Variants in TRIM54 observed in about 807,000 individuals in gnomAD.
The protein encoded by TRIM54 is tripartite motif containing 54.
TRIM54 carries 40 observed loss-of-function variants against 42.0 expected under a neutral mutation model. The observed-to-expected ratio is 0.95, with a 90% CI of 0.74 to 1.24. The LOEUF (loss-of-function observed/expected upper bound fraction) is 1.24, where lower values mean the gene tolerates loss of function less well. Ranked by LOEUF, TRIM54 falls within the 50% of genes most tolerant of loss-of-function variation. The pLI, the probability that TRIM54 is intolerant of heterozygous loss-of-function variation, is 0.00. For synonymous variants in TRIM54, 199 were observed against 194.9 expected (o/e 1.02, Z -0.17); for missense variants, 485 against 480.3 (o/e 1.01, Z -0.09).
intron 1 of TRIM54, among the ~76,000 whole-genome samples, chr2:27,283,961 C>T (rs904785637): frequency 1.3e-5 from 2 of 152,224 alleles, no homozygotes; most frequent in East Asian, 3.9e-4. Flanking sequence ...GGTAAAACCC[C>T]ATCTCTACCA....
chr2:27,288,160 C>G (rs1678629532), intron 1 of TRIM54, among the ~76,000 whole-genome samples: 1 of 152,224 alleles, frequency 6.6e-6, no homozygotes, highest in African/African-American at 2.4e-5. Context: ...CCACCGTTTT[C>G]CCAAGGTTTT....
At chr2:27,302,341 C>T (rs1332156232) in intron 3 of TRIM54, among the ~76,000 whole-genome samples, 2 of 151,812 alleles carry the variant, frequency 1.3e-5, no homozygotes, top group Admixed American at 6.6e-5. Flanking sequence ...GTCCCAGCTA[C>T]TCGGGAGGCT....
chr2:27,306,744 C>T lies in TRIM54; in HGVS notation c.*2-143C>T. Reference sequence around the variant, plus strand: ...AAAAGTACACTTTCCTCCTCACCCGCTGTTCCTCTGGGGTGCTGGGAGGGC... The same window carrying T: ...AAAAGTACACTTTCCTCCTCACCCGTTGTTCCTCTGGGGTGCTGGGAGGGC... On this transcript the variant is annotated intron_variant, in intron 8 of 8. Coordinates refer to ENST00000380075, the MANE Select transcript of TRIM54 (RefSeq NM_187841.3). The surrounding 1 kb of genome is among the most constrained non-coding windows in gnomAD (Gnocchi z 6.1). The T allele has an allele frequency of 3.3e-6, 2 of 613,366 alleles. No individual in the cohort carries two copies. The highest frequency in any genetic ancestry group is 4.1e-5 in the South Asian group (2 of 49,130). The allele number at this position is 613,366 out of a possible 1,614,324, so 38.0% of individuals were successfully genotyped here. A position where few individuals can be genotyped will look rare whatever the true frequency, so the allele number is the denominator to read the frequency against.
intron 1 of TRIM54, among the ~76,000 whole-genome samples, chr2:27,284,245 A>G (rs1368089159): frequency 6.6e-6 from 1 of 152,244 alleles, no homozygotes; most frequent in East Asian, 1.9e-4. Flanking sequence ...GTCAGAAATG[A>G]TGAGGAAATG....
chr2:27,287,289 C>A (rs1430471938), intron 1 of TRIM54, among the ~76,000 whole-genome samples: 1 of 151,838 alleles, frequency 6.6e-6, no homozygotes, highest in Non-Finnish European at 1.5e-5. Context: ...GCAGCCTCGA[C>A]TTCCCAGCCT....
At position 27,282,871 on chromosome 2, in the gene TRIM54, G is replaced by A. The variant is rs1678422576; in HGVS notation, c.140G>A (p.Cys47Tyr). The change falls in exon 1 of 9, where the codon TGC becomes TAC. Residue 47 changes from cysteine to tyrosine, a missense_variant. Cys to Tyr is a radical substitution (Grantham distance 194). Transcript: ENST00000380075. ...ATCCTGCCCTGCCAACACAACCTGT[G>A]CCGCAAATGTGCCAACGACGTCTTC... Reference protein sequence around the residue: ...VVILPCQHNLCRKCANDVFQA... With the variant: ...VVILPCQHNLYRKCANDVFQA... The A allele has an allele frequency of 1.2e-6, 2 of 1,613,586 alleles. No homozygotes were observed. Among genetic ancestry groups the A allele is most frequent in the Middle Eastern group, 3.3e-4 (2 of 6,056 alleles).
chr2:27,290,879 G>C (rs1353603157), intron 1 of TRIM54, among the ~76,000 whole-genome samples: 1 of 152,160 alleles, frequency 6.6e-6, no homozygotes, highest in Non-Finnish European at 1.5e-5. Flanking sequence ...CATATAGCCA[G>C]TATAGAAGAC....
Position 27,306,792 on chromosome 2 carries a change from G to C in TRIM54, c.*2-95G>C, listed in dbSNP as rs927302826. 2.3e-5 allele frequency: 13 copies of C among 555,154 alleles called. No homozygotes were observed. In the East Asian group the frequency reaches 3.9e-4, roughly 17 times the overall value. The allele number at this position is 555,154 out of a possible 1,614,324, so 34.4% of individuals were successfully genotyped here. On this transcript the variant is annotated intron_variant, in intron 8 of 8. Transcript: ENST00000380075. This position sits in a 1 kb window ranked among gnomAD's most constrained non-coding sequence, Gnocchi z 6.1. ...GGCAGGCAAGGCAGGCTGAGTAGAG[G>C]AGAAACCCACGTGGCGGGGGACGGA...
chr2:27,300,984 A>G (rs541393342), intron 3 of TRIM54, among the ~76,000 whole-genome samples: 22 of 152,268 alleles, frequency 1.4e-4, no homozygotes, highest in Middle Eastern at 6.8e-3. Flanking sequence ...GTCTTGACAC[A>G]GACCCCAAGA....
At chr2:27,299,516 CTTTATTTA>C in intron 3 of TRIM54, 100 bp downstream of exon 3, 1 of 1,540,176 alleles carries the variant, frequency 6.5e-7, no homozygotes, top group African/African-American at 1.4e-5. Flanking sequence ...TTACTTATTT[CTTTATTTA>C]TTTAGAAACA....
intron 1 of TRIM54, among the ~76,000 whole-genome samples, chr2:27,289,378 G>A (rs938635040): frequency 5.3e-5 from 8 of 152,000 alleles, no homozygotes; most frequent in East Asian, 1.9e-4. Flanking sequence ...GTGCAATGGC[G>A]TGATCTCAGC....
At position 27,306,552 on chromosome 2, in the gene TRIM54, G is replaced by A. The variant is rs1168060586; in HGVS notation, c.*1+10G>A. The A allele has an allele frequency of 2.0e-6, 3 of 1,535,262 alleles. No individual in the cohort carries two copies. Among genetic ancestry groups the A allele is most frequent in the Non-Finnish European group, 1.8e-6 (2 of 1,140,312 alleles). On this transcript the variant is annotated intron_variant, in intron 8 of 8. Coordinates refer to ENST00000380075, the MANE Select transcript of TRIM54 (RefSeq NM_187841.3). This position sits in a 1 kb window ranked among gnomAD's most constrained non-coding sequence, Gnocchi z 6.1. ...CCGGATGGGCCTTAAGGTGAGAGCC[G>A]CCCGATGGGCCTTAAGGTGAGAGCG...
chr2:27,304,850 G>C (rs894185425), intron 3 of TRIM54, 109 bp from the exon 4 acceptor site: 1 of 807,058 alleles, frequency 1.2e-6, no homozygotes, highest in Non-Finnish European at 2.0e-6. Flanking sequence ...ATGCCCTTAT[G>C]GGGGGTGAGG....
rs1678940382 is a variant in TRIM54, at chr2:27,298,722, C to G, written c.324C>G (p.Tyr108Ter). 1 of 1,613,912 alleles carries G rather than the reference C, an allele frequency of 6.2e-7. No homozygotes were observed. The highest frequency in any genetic ancestry group is 1.3e-5 in the African/African-American group (1 of 74,938). Reference sequence around the variant, plus strand: ...TAGTGGAGAACATTATCGACATTTACAAGCAGGAGTCATCCAGGTGAGCCA... The same window carrying G: ...TAGTGGAGAACATTATCGACATTTAGAAGCAGGAGTCATCCAGGTGAGCCA... ...NLLVENIIDI[Y>*]KQESSRPLHS... is the part of the protein sequence containing the mutation. The change falls in exon 2 of 9, where the codon TAC (tyrosine) becomes TAG (stop). Residue 108 changes from tyrosine to a stop codon, truncating the protein, a stop_gained. Transcript: ENST00000380075. LOFTEE classifies it high-confidence loss of function.
chr2:27,305,309 T>TA, intron 4 of TRIM54: 1 of 587,356 alleles, frequency 1.7e-6, no homozygotes, highest in Non-Finnish European at 3.0e-6. Flanking sequence ...ATGATAATGA[T>TA]ACACCAGCTA....
At chr2:27,285,254 A>G (rs1475953890) in intron 1 of TRIM54, among the ~76,000 whole-genome samples, 1 of 152,172 alleles carries the variant, frequency 6.6e-6, no homozygotes, top group African/African-American at 2.4e-5. Context: ...AGATGAGCAT[A>G]TTTAGTTTTT....
In TRIM54 at chr2:27,306,462, C is replaced by T; in HGVS notation, c.998C>T (p.Ser333Phe). ...AGGCCTTCCTTGGGCTCAGGCGCTT[C>T]CGGGGAGGAAGAGGAGGTGGCCCCA... is the stretch of plus-strand genomic sequence containing the variant. ...LRTIDFQPGA[S>F]GEEEEVAPDG... Residue 333 changes from serine (S) to phenylalanine (F), a missense_variant, in exon 8 of 9, where the codon TCC (serine) becomes TTC (phenylalanine). Ser to Phe is a radical substitution (Grantham distance 155, BLOSUM62 -2). Transcript: ENST00000380075. The surrounding 1 kb of genome is among the most constrained non-coding windows in gnomAD (Gnocchi z 6.1). 1 of 1,597,212 alleles carries T rather than the reference C, an allele frequency of 6.3e-7. No individual in the cohort carries two copies.
chr2:27,300,693 A>T (rs1168659788), intron 3 of TRIM54, among the ~76,000 whole-genome samples: 1 of 151,916 alleles, frequency 6.6e-6, no homozygotes, highest in African/African-American at 2.4e-5. Flanking sequence ...TGTGTAACAT[A>T]GTGAGACCCT....
Position 27,298,602 on chromosome 2 carries a change from C to T in TRIM54, c.204C>T (p.Thr68=). The change falls in exon 2 of 9, where the codon ACC becomes ACT. Residue 68 remains threonine (T), a synonymous_variant. Coordinates refer to ENST00000380075, the MANE Select transcript of TRIM54 (RefSeq NM_187841.3). ...CTCTATGGCAGTCCCGGGGCTCCAC[C>T]ACTGTGTCTTCAGGAGGCCGTTTCC... is the stretch of plus-strand genomic sequence containing the variant. The part of the protein sequence containing the change: ...SNPLWQSRGS[T]TVSSGGRFRC... The T allele has an allele frequency of 1.2e-6, 2 of 1,614,142 alleles. No individual in the cohort carries two copies. Among genetic ancestry groups the T allele is most frequent in the South Asian group, 2.2e-5 (2 of 91,080 alleles).
Sources: gnomAD v4.1 joint callset for allele counts (sites outside exome capture counted in the v4.1 genomes callset) on GRCh38, gnomAD v4.1.1 for gene constraint, Gnocchi (gnomAD v3.1) non-coding constraint, MANE v1.5 for transcripts, NCBI Gene and HGNC (gene_info 2026-07-23, HGNC 2026-07-21) for gene names.